Variants in ORC3 observed in about 807,000 individuals in gnomAD.
The protein encoded by ORC3 is homolog of latheo, Drosophila.
A neutral mutation model predicts 100.7 loss-of-function variants in ORC3; 78 were observed. The ratio of observed to expected loss-of-function variants is 0.77; its 90% CI spans 0.65 to 0.94. The LOEUF (loss-of-function observed/expected upper bound fraction) is 0.94, where lower values mean the gene tolerates loss of function less well. Ranked by LOEUF, ORC3 falls within the 40% of genes least tolerant of loss-of-function variation. The pLI is 0.00. For missense variants in ORC3, 789 were observed against 823.9 expected (o/e 0.96, Z 0.52); for synonymous variants, 295 against 289.3 (o/e 1.02, Z -0.20).
intron 9 of ORC3, among the ~76,000 whole-genome samples, chr6:87,620,235 G>A (rs1373703369): frequency 1.3e-5 from 2 of 152,142 alleles, no homozygotes; most frequent in Admixed American, 1.3e-4. Context: ...GAAAAGTACT[G>A]TTAACATTGG....
At chr6:87,609,069 C>T (rs1401850887) in intron 6 of ORC3, 27 bp from the exon 7 acceptor site, 3 of 1,573,804 alleles carry the variant, frequency 1.9e-6, no homozygotes, top group African/African-American at 2.7e-5. Flanking sequence ...TTACCTTTAA[C>T]TCTTTCTTTC....
In ORC3 at chr6:87,617,861, G is replaced by T. The variant is rs899112678; in HGVS notation, c.987+1434G>T. Among the ~76,000 whole-genome samples, 78 of 152,168 alleles carry T rather than the reference G, an allele frequency of 5.1e-4. 1 individual carries two copies. Among genetic ancestry groups the T allele is most frequent in the African/African-American group, 1.9e-3 (77 of 41,540 alleles). ...TTGAAGATTATAAATTATTTCTCAT[G>T]TTTCCTTCCTTCAAAAAAAGATTGC... On this transcript the variant is annotated intron_variant, in intron 9 of 19. Transcript: ENST00000392844.
At chr6:87,614,459 T>TA (rs998179207) in intron 8 of ORC3, among the ~76,000 whole-genome samples, 30 of 152,372 alleles carry the variant, frequency 2.0e-4, no homozygotes, top group Admixed American at 1.8e-3. Context: ...GGCTCTTTGT[T>TA]ACTTACGGAA....
intron 2 of ORC3, chr6:87,595,537 T>C (rs1777367791): frequency 6.6e-6 from 1 of 152,252 alleles, no homozygotes; most frequent in African/African-American, 2.4e-5. Flanking sequence ...GAAGACTTTC[T>C]ACTCTCACAA....
rs1467551407 is a variant in ORC3 at position 87,644,076 on chromosome 6, GTCCT to G, written c.1382+7592_1382+7595del. Among the ~76,000 whole-genome samples the G allele has an allele frequency of 7.1e-4, 71 of 99,680 alleles. 4 individuals are homozygous for G. The highest frequency in any genetic ancestry group is 1.0e-3 in the South Asian group (3 of 2,890). 65.4% of individuals were successfully genotyped at this position (99,680 alleles called of 152,430 possible). A position where few individuals can be genotyped will look rare whatever the true frequency, so the allele number is the denominator to read the frequency against. ...GACCCACAGATACAGATGGCTGACT[GTCCT>G]TTTTTTTTTTTTTTTTTTTTTTTTT... On this transcript the variant is annotated intron_variant, in intron 13 of 19. Coordinates refer to ENST00000392844, the MANE Select transcript of ORC3 (RefSeq NM_012381.4).
chr6:87,663,959 A>G (rs28381544), intron 17 of ORC3, among the ~76,000 whole-genome samples: 5,321 of 152,276 alleles, frequency 0.035, 313 homozygotes, highest in African/African-American at 0.12. Context: ...GAGTATTACA[A>G]GAATATTGAG....
At chr6:87,646,180 G>A (rs1265076996) in intron 13 of ORC3, among the ~76,000 whole-genome samples, 1 of 151,642 alleles carries the variant, frequency 6.6e-6, no homozygotes, top group East Asian at 1.9e-4. Flanking sequence ...TAGAGATGGG[G>A]TTTCACTGTG....
intron 13 of ORC3, among the ~76,000 whole-genome samples, chr6:87,640,263 T>G (rs1768144635): frequency 1.3e-5 from 2 of 152,208 alleles, no homozygotes; most frequent in South Asian, 4.1e-4. Context: ...TTAAAACATA[T>G]TTACAGTGAC....
At chr6:87,629,598 A>AG (rs11377849) in intron 11 of ORC3, among the ~76,000 whole-genome samples, 91,079 of 151,970 alleles carry the variant, frequency 0.6, 27,914 homozygotes, top group African/African-American at 0.72. Context: ...TTACAGGTGC[A>AG]GTTTGTTACA....
downstream of ORC3, among the ~76,000 whole-genome samples, chr6:87,668,167 A>G (rs1483676374): frequency 6.6e-6 from 1 of 152,188 alleles, no homozygotes; most frequent in Non-Finnish European, 1.5e-5. Flanking sequence ...TCCCAAGAGA[A>G]TTATGGGACT....
intron 2 of ORC3, among the ~76,000 whole-genome samples, chr6:87,598,251 G>A (rs2128245358): frequency 6.6e-6 from 1 of 152,072 alleles, no homozygotes; most frequent in Admixed American, 6.5e-5. Flanking sequence ...CTCAAATCCT[G>A]AGCTCAAGCA....
At chr6:87,626,787 CA>C (rs11321781) in intron 11 of ORC3, among the ~76,000 whole-genome samples, 76,307 of 123,398 alleles carry the variant, frequency 0.62, 21,299 homozygotes, top group African/African-American at 0.71. Flanking sequence ...ACTCTGTCTC[CA>C]AAAAAAAAAA....
At chr6:87,667,883 C>T (rs911517366), downstream of ORC3, among the ~76,000 whole-genome samples, 5 of 151,910 alleles carry the variant, frequency 3.3e-5, no homozygotes, top group African/African-American at 9.7e-5. Flanking sequence ...GAACTGAGAT[C>T]GGCCACTGCA....
At chr6:87,651,613 A>T (rs1353971612) in intron 13 of ORC3, among the ~76,000 whole-genome samples, 1 of 152,264 alleles carries the variant, frequency 6.6e-6, no homozygotes, top group Middle Eastern at 3.4e-3. Flanking sequence ...TTATACTTTT[A>T]AAAAAACCCT....
At chr6:87,623,175 T>G (rs993279277) in intron 11 of ORC3, among the ~76,000 whole-genome samples, 2 of 152,220 alleles carry the variant, frequency 1.3e-5, no homozygotes, top group Non-Finnish European at 2.9e-5. Context: ...CATTGGTAAT[T>G]TATGCCCATT....
intron 16 of ORC3, among the ~76,000 whole-genome samples, chr6:87,660,321 G>A (rs1770085977): frequency 6.6e-6 from 1 of 152,220 alleles, no homozygotes; most frequent in African/African-American, 2.4e-5. Flanking sequence ...GATTAGAATT[G>A]TAGCATGTTA....
intron 7 of ORC3, 100 bp downstream of exon 7, chr6:87,609,329 TA>T (rs905203747): frequency 1.3e-6 from 1 of 770,844 alleles, no homozygotes; most frequent in African/African-American, 1.8e-5. Flanking sequence ...ACCAACTGGA[TA>T]AAAATCAAAG....
intron 1 of ORC3, among the ~76,000 whole-genome samples, chr6:87,590,621 G>A (rs892062579): frequency 6.6e-6 from 1 of 152,164 alleles, no homozygotes; most frequent in East Asian, 1.9e-4. Flanking sequence ...AAGAGTTCTA[G>A]GCAGACAACA....
intron 13 of ORC3, among the ~76,000 whole-genome samples, chr6:87,647,259 C>T (rs532914534): frequency 6.6e-6 from 1 of 152,176 alleles, no homozygotes; most frequent in Non-Finnish European, 1.5e-5. Context: ...CTCCTCTCCC[C>T]ACATGGCCTC....
Sources: gnomAD v4.1 joint callset for allele counts (sites outside exome capture counted in the v4.1 genomes callset) on GRCh38, gnomAD v4.1.1 for gene constraint, MANE v1.5 for transcripts, NCBI Gene and HGNC (gene_info 2026-07-23, HGNC 2026-07-21) for gene names.